Variants in CNTN3 observed in about 807,000 individuals in gnomAD.
The protein encoded by CNTN3 is contactin-3.
A neutral mutation model predicts 119.1 loss-of-function variants in CNTN3; 60 were observed. The ratio of observed to expected loss-of-function variants is 0.50; its 90% CI spans 0.41 to 0.62. CNTN3 has a LOEUF of 0.62. Ranked by LOEUF, CNTN3 falls within the 20% of genes least tolerant of loss-of-function variation. CNTN3 has a pLI of 0.00. For missense variants in CNTN3, 1,101 were observed against 1,242.4 expected, an observed-to-expected ratio of 0.89 and a Z score of 1.71; for synonymous variants, 450 against 438.7, an observed-to-expected ratio of 1.03 and a Z score of -0.32.
intron 1 of CNTN3, among the ~76,000 whole-genome samples, chr3:74,522,844 A>AT (rs2107124671): frequency 6.6e-6 from 1 of 151,976 alleles, no homozygotes; most frequent in East Asian, 2.0e-4. Flanking sequence ...CACTGGAGTG[A>AT]TGAAGGCAAG....
chr3:74,350,668 C>T (rs929676944), intron 11 of CNTN3, among the ~76,000 whole-genome samples: 1 of 152,120 alleles, frequency 6.6e-6, no homozygotes, highest in Non-Finnish European at 1.5e-5. Context: ...ATGGGATCAA[C>T]CTAGTTGCCC....
rs766097866 is a variant in CNTN3 at position 74,471,023 on chromosome 3, C to T, written c.358+15433G>A. Among the ~76,000 whole-genome samples the T allele has an allele frequency of 4.6e-5, 7 of 151,984 alleles. No homozygotes were observed. The South Asian group carries it at 6.2e-4, about 14-fold the overall frequency. On this transcript the variant is annotated intron_variant, in intron 4 of 22. Coordinates refer to ENST00000263665, the MANE Select transcript of CNTN3 (RefSeq NM_020872.3). ...TCCCAAGCAGCTGAGACTACAGGCACGTGCCACCACGCCTAGCTAATTTTT... is the reference window on the plus strand; with the variant it reads ...TCCCAAGCAGCTGAGACTACAGGCATGTGCCACCACGCCTAGCTAATTTTT...
chr3:74,434,519 T>C (rs1303888015), intron 4 of CNTN3, among the ~76,000 whole-genome samples: 2 of 152,284 alleles, frequency 1.3e-5, no homozygotes, highest in Non-Finnish European at 2.9e-5. Context: ...TCCATGAACA[T>C]CTGTTTCCTT....
chr3:74,343,781 C>T (rs939547151), intron 11 of CNTN3, among the ~76,000 whole-genome samples: 16 of 152,174 alleles, frequency 1.1e-4, no homozygotes, highest in African/African-American at 2.2e-4. Context: ...TGCCCACTGC[C>T]GGGCCCACCA....
At chr3:74,434,373 G>A (rs528403222) in intron 4 of CNTN3, among the ~76,000 whole-genome samples, 1 of 152,280 alleles carries the variant, frequency 6.6e-6, no homozygotes, top group East Asian at 1.9e-4. Flanking sequence ...AACGATTCCT[G>A]TTTCCATCTC....
intron 11 of CNTN3, among the ~76,000 whole-genome samples, chr3:74,338,034 A>G (rs2106716581): frequency 6.6e-6 from 1 of 152,168 alleles, no homozygotes; most frequent in Admixed American, 6.6e-5. Flanking sequence ...GAATTCCTAA[A>G]ATAATTACTA....
intron 1 of CNTN3, among the ~76,000 whole-genome samples, chr3:74,609,044 T>C (rs913810957): frequency 1.3e-4 from 19 of 151,996 alleles, no homozygotes; most frequent in Non-Finnish European, 2.4e-4. Flanking sequence ...AGGGTGGAAA[T>C]GAGTCAACAC....
At chr3:74,301,293 A>G in intron 16 of CNTN3, 105 bp downstream of exon 16, 1 of 1,181,114 alleles carries the variant, frequency 8.5e-7, no homozygotes, top group African/African-American at 1.5e-5. Context: ...AACTGCAACA[A>G]TGGATTATTG....
At chr3:74,569,013 G>A (rs1704269500) in intron 1 of CNTN3, among the ~76,000 whole-genome samples, 1 of 152,200 alleles carries the variant, frequency 6.6e-6, no homozygotes, top group Non-Finnish European at 1.5e-5. Flanking sequence ...CATGAGGTCA[G>A]AAGAATTTAA....
intron 1 of CNTN3, among the ~76,000 whole-genome samples, chr3:74,598,207 C>T (rs371685795): frequency 6.6e-6 from 1 of 151,996 alleles, no homozygotes; most frequent in East Asian, 1.9e-4. Flanking sequence ...TTCCAGCTTC[C>T]ACCTTCCCTC....
chr3:74,579,310 G>T (rs972282446), intron 1 of CNTN3, among the ~76,000 whole-genome samples: 1 of 150,552 alleles, frequency 6.6e-6, no homozygotes, highest in Middle Eastern at 3.5e-3. Context: ...AATAGTTGAA[G>T]ACTTTAAAAG....
intron 13 of CNTN3, among the ~76,000 whole-genome samples, chr3:74,332,772 A>T (rs1357109993): frequency 6.6e-6 from 1 of 152,238 alleles, no homozygotes; most frequent in African/African-American, 2.4e-5. Flanking sequence ...AAACATAATT[A>T]TCTTCATTAT....
Position 74,398,969 on chromosome 3 carries a change from A to C in CNTN3, c.454+25876T>G, listed in dbSNP as rs115931436. ...CATACAATGTTTAGTGATCGGATCAAGATAGTTAGCATATCTACCAACTCA... is the reference window on the plus strand; with the variant it reads ...CATACAATGTTTAGTGATCGGATCACGATAGTTAGCATATCTACCAACTCA... On this transcript the variant is annotated intron_variant, in intron 5 of 22. Transcript: ENST00000263665. Among the ~76,000 whole-genome samples, 531 of 152,330 alleles carry C rather than the reference A, an allele frequency of 3.5e-3. 4 individuals carry two copies. The highest frequency in any genetic ancestry group is 0.012 in the African/African-American group (511 of 41,574).
At chr3:74,407,264 A>ATTT (rs753215277) in intron 5 of CNTN3, among the ~76,000 whole-genome samples, 57,072 of 105,308 alleles carry the variant, frequency 0.54, 17,655 homozygotes, top group Non-Finnish European at 0.67. Flanking sequence ...CAAATATTCT[A>ATTT]TTTTTTTTTT....
At chr3:74,489,590 G>C (rs1702924944) in intron 3 of CNTN3, among the ~76,000 whole-genome samples, 1 of 151,942 alleles carries the variant, frequency 6.6e-6, no homozygotes, top group Non-Finnish European at 1.5e-5. Context: ...ACATTTTTTA[G>C]ATTTTTTCCC....
At chr3:74,379,804 GA>G (rs1308672230) in intron 5 of CNTN3, among the ~76,000 whole-genome samples, 1 of 152,108 alleles carries the variant, frequency 6.6e-6, no homozygotes, top group Non-Finnish European at 1.5e-5. Context: ...GACTGAAGAG[GA>G]CTAGCAACAG....
chr3:74,539,001 T>A (rs1231112791), intron 1 of CNTN3, among the ~76,000 whole-genome samples: 1 of 152,092 alleles, frequency 6.6e-6, no homozygotes, highest in Non-Finnish European at 1.5e-5. Flanking sequence ...AAAAAATACT[T>A]CAGTTGATTT....
At chr3:74,531,616 A>G (rs1191696992) in intron 1 of CNTN3, among the ~76,000 whole-genome samples, 1 of 151,930 alleles carries the variant, frequency 6.6e-6, no homozygotes, top group Non-Finnish European at 1.5e-5. Flanking sequence ...CCCACAAAGC[A>G]CTGGGCCGAG....
chr3:74,350,045 A>T (rs1323608410), intron 11 of CNTN3, among the ~76,000 whole-genome samples: 1 of 152,194 alleles, frequency 6.6e-6, no homozygotes, highest in Non-Finnish European at 1.5e-5. Context: ...ACCAAATTTG[A>T]AATATGGATC....
Sources: gnomAD v4.1 joint callset for allele counts (sites outside exome capture counted in the v4.1 genomes callset) on GRCh38, gnomAD v4.1.1 for gene constraint, MANE v1.5 for transcripts, NCBI Gene and HGNC (gene_info 2026-07-23, HGNC 2026-07-21) for gene names.